The following ROR1 variants were observed in gnomAD, a reference collection of about 807,000 sequenced individuals.
ROR1 encodes inactive tyrosine-protein kinase transmembrane receptor ROR1.
ROR1 carries 19 observed loss-of-function variants against 78.8 expected under a neutral mutation model. The ratio of observed to expected loss-of-function variants is 0.24; its 90% CI spans 0.17 to 0.35. The LOEUF is 0.35. Among genes scored for constraint, ROR1 ranks in the 10% least tolerant of loss-of-function variants. ROR1 has a pLI of 1.00. For missense variants in ROR1, 917 were observed against 1,177.8 expected, an observed-to-expected ratio of 0.78 and a Z score of 3.24; for synonymous variants, 386 against 433.6, an observed-to-expected ratio of 0.89 and a Z score of 1.36.
At chr1:63,828,882 G>C (rs1644970466) in intron 1 of ROR1, among the ~76,000 whole-genome samples, 1 of 152,168 alleles carries the variant, frequency 6.6e-6, no homozygotes, top group South Asian at 2.1e-4. Flanking sequence ...GACCAGCAGG[G>C]ATCACTCCCT....
Position 64,179,022 on chromosome 1 carries a change from C to G in ROR1, c.*167C>G. The G allele has an allele frequency of 6.4e-6, 1 of 156,502 alleles. No individual in the cohort carries two copies. Among genetic ancestry groups the G allele is most frequent in the East Asian group, 1.1e-4 (1 of 9,360 alleles). 9.7% of individuals were successfully genotyped at this position (156,502 alleles called of 1,614,324 possible). ...TTACCAAGCAGGACAGACACTCGGC[C>G]AGAAAAAAAAAAAAAAAAAAAAAAC... On this transcript the variant is annotated 3_prime_UTR_variant, in exon 9 of 9. Transcript: ENST00000371079.
chr1:64,037,209 G>T (rs1315657522), intron 2 of ROR1, among the ~76,000 whole-genome samples: 1 of 152,140 alleles, frequency 6.6e-6, no homozygotes, highest in Non-Finnish European at 1.5e-5. Context: ...CAAGGAAAGG[G>T]CACACAGACT....
chr1:63,829,118 A>G (rs766979646), intron 1 of ROR1, among the ~76,000 whole-genome samples: 35 of 152,216 alleles, frequency 2.3e-4, no homozygotes, highest in African/African-American at 8.2e-4. Context: ...CATAGTTGCT[A>G]TAATTTACTT....
chr1:64,169,386 CAAAG>C (rs1451195403), intron 8 of ROR1, among the ~76,000 whole-genome samples: 1 of 152,152 alleles, frequency 6.6e-6, no homozygotes, highest in Admixed American at 6.5e-5. Flanking sequence ...TGGCAGCAGA[CAAAG>C]AGAGAGCTTG....
chr1:63,910,342 A>G (rs959698157), intron 1 of ROR1, among the ~76,000 whole-genome samples: 1 of 152,196 alleles, frequency 6.6e-6, no homozygotes, highest in African/African-American at 2.4e-5. Context: ...TACAATGGAC[A>G]TTGTTCAGGC....
At chr1:63,896,289 G>T (rs855823) in intron 1 of ROR1, among the ~76,000 whole-genome samples, 127,991 of 151,882 alleles carry the variant, frequency 0.84, 55,198 homozygotes, top group East Asian at 1. Flanking sequence ...TTAAACAATG[G>T]CTTTGGTGCC....
chr1:64,098,738 T>C (rs1217977297), intron 4 of ROR1, among the ~76,000 whole-genome samples: 2 of 152,114 alleles, frequency 1.3e-5, no homozygotes, highest in Non-Finnish European at 2.9e-5. Context: ...TCTTCTTTCA[T>C]CCCAGCTGAC....
intron 1 of ROR1, among the ~76,000 whole-genome samples, chr1:63,944,681 T>C (rs1645870195): frequency 6.6e-6 from 1 of 152,212 alleles, no homozygotes; most frequent in Non-Finnish European, 1.5e-5. Flanking sequence ...CTCCTTGTTT[T>C]AAATGGAAAG....
In ROR1 at chr1:64,072,568, A is replaced by G. The variant is rs1569683082; in HGVS notation, c.482+21852A>G. On this transcript the variant is annotated intron_variant, in intron 4 of 8. Transcript: ENST00000371079. ...ATTGTTTACTGGGGCCAATATAAAT[A>G]TGTTTGTGGGGAGAGGAGAACAAAG... Among the ~76,000 whole-genome samples, 3 of 152,322 alleles carry G rather than the reference A, an allele frequency of 2.0e-5. No individual in the cohort carries two copies. In the South Asian group the frequency reaches 6.2e-4, roughly 32 times the overall value.
chr1:63,859,211 G>A (rs1645165736), intron 1 of ROR1, among the ~76,000 whole-genome samples: 1 of 152,088 alleles, frequency 6.6e-6, no homozygotes, highest in African/African-American at 2.4e-5. Context: ...GGCTGGCTGG[G>A]GGTTTTGGTG....
At chr1:63,778,508 T>C (rs943882375) in intron 1 of ROR1, among the ~76,000 whole-genome samples, 2 of 152,170 alleles carry the variant, frequency 1.3e-5, no homozygotes, top group Non-Finnish European at 2.9e-5. Context: ...CACCTCCCAG[T>C]TTCCCTTCCA....
At position 63,809,799 on chromosome 1, in the gene ROR1, A is replaced by G. The variant is rs1270899477; in HGVS notation, c.91+35291A>G. 2.6e-5 allele frequency among the ~76,000 whole-genome samples: 4 copies of G among 152,200 alleles called. No homozygotes were observed. The East Asian group carries it at 7.7e-4, about 29-fold the overall frequency. On this transcript the variant is annotated intron_variant, in intron 1 of 8. Transcript: ENST00000371079. ...AAAAATCCTCTTCCACACCTTTCCAAAGTCAAGAATACGTTGGACATTTAA... is the reference window on the plus strand; with the variant it reads ...AAAAATCCTCTTCCACACCTTTCCAGAGTCAAGAATACGTTGGACATTTAA...
intron 4 of ROR1, among the ~76,000 whole-genome samples, chr1:64,054,136 C>T (rs1361887175): frequency 3.3e-5 from 5 of 151,994 alleles, no homozygotes; most frequent in Non-Finnish European, 7.4e-5. Context: ...GTATGTTTTA[C>T]AGAGATGGGG....
intron 2 of ROR1, among the ~76,000 whole-genome samples, chr1:64,014,254 C>T (rs1646500122): frequency 1.3e-5 from 2 of 152,178 alleles, no homozygotes; most frequent in African/African-American, 4.8e-5. Context: ...CCCACAGCAG[C>T]TCCCCAGCCA....
intron 1 of ROR1, among the ~76,000 whole-genome samples, chr1:63,809,377 T>C (rs896867123): frequency 4.6e-5 from 7 of 152,210 alleles, no homozygotes; most frequent in East Asian, 1.9e-4. Flanking sequence ...AAAGTTTCCC[T>C]GGAAGAGCAA....
At chr1:63,861,668 T>C (rs1645182755) in intron 1 of ROR1, among the ~76,000 whole-genome samples, 1 of 152,242 alleles carries the variant, frequency 6.6e-6, no homozygotes, top group Non-Finnish European at 1.5e-5. Context: ...CAGAGGGGCA[T>C]ATGATTGCCT....
chr1:63,818,784 G>A (rs1052407248), intron 1 of ROR1, among the ~76,000 whole-genome samples: 7 of 152,292 alleles, frequency 4.6e-5, no homozygotes, highest in African/African-American at 1.4e-4. Flanking sequence ...CACCAGGCAT[G>A]ATGCTGACTG....
At chr1:63,896,798 T>C (rs901379778) in intron 1 of ROR1, among the ~76,000 whole-genome samples, 5 of 152,184 alleles carry the variant, frequency 3.3e-5, no homozygotes. Flanking sequence ...AAGCCCCTTA[T>C]GTATGCCTTG....
intron 4 of ROR1, chr1:64,106,583 T>G (rs892300145): frequency 3.3e-5 from 5 of 152,212 alleles, no homozygotes; most frequent in African/African-American, 1.2e-4. Context: ...CAATATGATA[T>G]TGGCTGTGGG....
Sources: gnomAD v4.1 joint callset for allele counts (sites outside exome capture counted in the v4.1 genomes callset) on GRCh38, gnomAD v4.1.1 for gene constraint, MANE v1.5 for transcripts, NCBI Gene and HGNC (gene_info 2026-07-23, HGNC 2026-07-21) for gene names.